Variants in MICAL3 observed in about 807,000 individuals in gnomAD.
The protein encoded by MICAL3 is [F-actin]-monooxygenase MICAL3.
MICAL3 carries 62 observed loss-of-function variants against 207.4 expected under a neutral mutation model. The ratio of observed to expected loss-of-function variants is 0.30; its 90% confidence interval spans 0.24 to 0.37. The LOEUF (loss-of-function observed/expected upper bound fraction) is 0.37, where lower values mean the gene tolerates loss of function less well. Among genes scored for constraint, MICAL3 ranks in the 10% least tolerant of loss-of-function variants. MICAL3 has a pLI of 1.00. For missense variants in MICAL3, 2,368 were observed against 2,635.6 expected (o/e 0.90, Z 2.22); for synonymous variants, 1,077 against 1,069.3 (o/e 1.01, Z -0.14).
intron 1 of MICAL3, among the ~76,000 whole-genome samples, chr22:17,965,794 A>G (rs751703865): frequency 2.6e-5 from 4 of 152,200 alleles, no homozygotes; most frequent in Non-Finnish European, 5.9e-5. Flanking sequence ...GTTACAGATA[A>G]GGGGGAAAAT....
chr22:17,882,869 C>T (rs1381357129), intron 16 of MICAL3, among the ~76,000 whole-genome samples: 2 of 152,206 alleles, frequency 1.3e-5, no homozygotes, highest in Admixed American at 6.5e-5. Context: ...CACAGCCTGC[C>T]AGTCTCCTAC....
rs144062161 is a variant in MICAL3 at position 17,897,128 on chromosome 22, C to CG, written c.949-148dup. On this transcript the variant is annotated intron_variant, in intron 7 of 31. Coordinates refer to ENST00000441493, the MANE Select transcript of MICAL3 (RefSeq NM_015241.3). ...AAAACTTTTATACCATTAAAATGGG[C>CG]GGGGGGAAAGGCAGCCAGGCACAAT... 2,906 of 838,622 alleles carry CG rather than the reference C, an allele frequency of 3.5e-3. 60 individuals are homozygous for CG. The African/African-American group carries it at 0.043, about 12-fold the overall frequency. 51.9% of individuals were successfully genotyped at this position (838,622 alleles called of 1,614,324 possible). A position where few individuals can be genotyped will look rare whatever the true frequency, so the allele number is the denominator to read the frequency against.
At chr22:17,944,859 G>A (rs1400881566) in intron 1 of MICAL3, among the ~76,000 whole-genome samples, 1 of 152,086 alleles carries the variant, frequency 6.6e-6, no homozygotes, top group East Asian at 1.9e-4. Flanking sequence ...AGGCGGAGCA[G>A]GGTTCTCCCC....
At chr22:17,838,382 G>A (rs1923623003) in intron 20 of MICAL3, among the ~76,000 whole-genome samples, 2 of 152,144 alleles carry the variant, frequency 1.3e-5, no homozygotes, top group South Asian at 2.1e-4. Context: ...CCCAAGTCCC[G>A]GCATCAACCC....
At position 17,796,191 on chromosome 22, in the gene MICAL3, C is replaced by T. The variant is rs767837948; in HGVS notation, c.5651-4890G>A. Among the ~76,000 whole-genome samples the T allele has an allele frequency of 1.8e-4, 27 of 152,222 alleles. No individual in the cohort carries two copies. Among genetic ancestry groups the T allele is most frequent in the Non-Finnish European group, 3.5e-4 (24 of 68,034 alleles). ...CCCTCCTCCCTGGAGCACTCTGCTG[C>T]GTCTCCAACACTCGGGGGCACATCT... is the stretch of plus-strand genomic sequence containing the variant. On this transcript the variant is annotated intron_variant, in intron 29 of 31. Coordinates refer to ENST00000441493, the MANE Select transcript of MICAL3 (RefSeq NM_015241.3). This position sits in a 1 kb window ranked among gnomAD's most constrained non-coding sequence, Gnocchi z 4.4.
chr22:17,869,842 C>A (rs1251266894), intron 17 of MICAL3, among the ~76,000 whole-genome samples: 2 of 152,266 alleles, frequency 1.3e-5, no homozygotes, highest in Non-Finnish European at 2.9e-5. Context: ...TAAAAAGTTA[C>A]TTAATGGGGT....
At chr22:17,864,546 C>A in intron 19 of MICAL3, 2 of 1,441,974 alleles carry the variant, frequency 1.4e-6, no homozygotes, top group Non-Finnish European at 1.8e-6. Context: ...TGAGCGCCTG[C>A]GAGCTCCTGT....
At chr22:17,812,480 G>C (rs1301701911) in intron 27 of MICAL3, 1 of 984,026 alleles carries the variant, frequency 1.0e-6, no homozygotes, top group Non-Finnish European at 1.2e-6. Flanking sequence ...ATGCAACGGT[G>C]ACCAGCTGAC....
intron 1 of MICAL3, among the ~76,000 whole-genome samples, chr22:17,919,677 G>T (rs537563016): frequency 6.6e-6 from 1 of 152,332 alleles, no homozygotes; most frequent in African/African-American, 2.4e-5. Context: ...GCCCAGCGGG[G>T]GAGGTGCTCC....
At chr22:17,976,877 GCTC>G in intron 1 of MICAL3, among the ~76,000 whole-genome samples, 1 of 150,728 alleles carries the variant, frequency 6.6e-6, no homozygotes, top group African/African-American at 2.4e-5. Context: ...CGTGATCTCG[GCTC>G]ACTGCAAGCT....
At chr22:17,887,008 A>T (rs1175021026) in intron 15 of MICAL3, among the ~76,000 whole-genome samples, 162 bp downstream of exon 15, 6 of 148,882 alleles carry the variant, frequency 4.0e-5, no homozygotes, top group African/African-American at 7.4e-5. Flanking sequence ...AAAAAAAAAA[A>T]AAAAAAAAGA....
chr22:17,856,965 T>A (rs1186686859), intron 19 of MICAL3, among the ~76,000 whole-genome samples: 1 of 152,178 alleles, frequency 6.6e-6, no homozygotes, highest in East Asian at 1.9e-4. Context: ...AGTCTCTCGG[T>A]AGTAAAATGA....
Position 17,832,096 on chromosome 22 carries a change from G to A in MICAL3, c.2813C>T (p.Ser938Phe). The A allele has an allele frequency of 6.4e-7, 1 of 1,572,184 alleles. No homozygotes were observed. The highest frequency in any genetic ancestry group is 8.6e-7 in the Non-Finnish European group (1 of 1,158,616). ...EEDVASSSSE[S>F]EMEEEGEEEE... ...CTCCTCTCCCTCCTCCTCCATCTCAGACTCGGAACTACTGTGAGGAAATAA... is the reference window on the plus strand; with the variant it reads ...CTCCTCTCCCTCCTCCTCCATCTCAAACTCGGAACTACTGTGAGGAAATAA... The change falls in exon 21 of 32, where the codon TCT becomes TTT. Residue 938 changes from serine to phenylalanine, a missense_variant. Physicochemically the swap from Ser to Phe is radical, Grantham distance 155. Transcript: ENST00000441493.
At chr22:17,954,999 C>T (rs564069109) in intron 1 of MICAL3, among the ~76,000 whole-genome samples, 1 of 152,324 alleles carries the variant, frequency 6.6e-6, no homozygotes, top group Admixed American at 6.5e-5. Context: ...GCTGGGATTA[C>T]AGGCGTGAGC....
At chr22:17,948,912 CAA>C (rs112234424) in intron 1 of MICAL3, among the ~76,000 whole-genome samples, 6 of 106,640 alleles carry the variant, frequency 5.6e-5, no homozygotes, top group Non-Finnish European at 3.7e-5. Flanking sequence ...GATGCTGCCT[CAA>C]AAAAAAAAAA....
At chr22:17,856,118 G>C (rs201411373) in intron 19 of MICAL3, among the ~76,000 whole-genome samples, 1 of 152,364 alleles carries the variant, frequency 6.6e-6, no homozygotes, top group Admixed American at 6.5e-5. Flanking sequence ...ACATGTTAGC[G>C]ACCGCTGCTG....
chr22:17,902,522 G>A lies in MICAL3; in HGVS notation c.589+109C>T. The stretch of plus-strand genomic sequence containing the variant: ...CAAGTCCCCAAAGGCACAGGCTTTG[G>A]CTAGCTCTGGAAGCAGCCCTCAGGA... On this transcript the variant is annotated intron_variant, in intron 4 of 31. Coordinates refer to ENST00000441493, the MANE Select transcript of MICAL3 (RefSeq NM_015241.3). The surrounding 1 kb of genome is among the most constrained non-coding windows in gnomAD (Gnocchi z 4.5). 1.6e-6 allele frequency: 1 copy of A among 634,138 alleles called. No homozygotes were observed. Among genetic ancestry groups the A allele is most frequent in the Admixed American group, 2.7e-5 (1 of 37,460 alleles). The allele number at this position is 634,138 out of a possible 1,614,324, so 39.3% of individuals were successfully genotyped here.
intron 1 of MICAL3, among the ~76,000 whole-genome samples, chr22:17,990,949 G>T (rs754647690): frequency 9.9e-5 from 15 of 152,188 alleles, no homozygotes; most frequent in Non-Finnish European, 1.6e-4. Flanking sequence ...TTGCCTGCCT[G>T]TGCCTAAGCA....
chr22:17,913,416 G>A (rs554142594), intron 1 of MICAL3, among the ~76,000 whole-genome samples: 5 of 152,276 alleles, frequency 3.3e-5, no homozygotes, highest in South Asian at 4.1e-4. Flanking sequence ...GCGTGGCTGC[G>A]GAAGGTGAAG....
Sources: allele counts gnomAD v4.1 joint callset (sites outside exome capture counted in the v4.1 genomes callset), GRCh38; gene constraint gnomAD v4.1.1; non-coding constraint Gnocchi (gnomAD v3.1); transcripts MANE v1.5; gene names NCBI Gene and HGNC (gene_info 2026-07-23, HGNC 2026-07-21).